COPS2: variants seen among roughly 807,000 people sequenced by gnomAD.
COPS2 encodes COP9 signalosome complex subunit 2.
COPS2 carries 10 observed loss-of-function variants against 66.1 expected under a neutral mutation model. That is an observed-to-expected ratio of 0.15 (90% CI 0.09 to 0.26). The LOEUF is 0.26. COPS2 is among the 10% of genes least tolerant of loss of function. COPS2 has a pLI of 1.00. For synonymous variants in COPS2, 179 were observed against 171.3 expected, an observed-to-expected ratio of 1.04 and a Z score of -0.35; for missense variants, 215 against 513.3, an observed-to-expected ratio of 0.42 and a Z score of 5.62.
At chr15:49,146,039 ATTTC>A (rs1339433147) in intron 1 of COPS2, among the ~76,000 whole-genome samples, 3 of 152,184 alleles carry the variant, frequency 2.0e-5, no homozygotes, top group East Asian at 1.9e-4. Flanking sequence ...CAGGTAACAA[ATTTC>A]TTTATGAGAT....
At chr15:49,136,844 C>T (rs1017726833) in intron 6 of COPS2, among the ~76,000 whole-genome samples, 4 of 152,064 alleles carry the variant, frequency 2.6e-5, no homozygotes, top group African/African-American at 7.2e-5. Context: ...AAAAAATTAG[C>T]TGGGCATGGT....
intron 3 of COPS2, among the ~76,000 whole-genome samples, chr15:49,140,952 T>G: frequency 6.7e-6 from 1 of 149,646 alleles, no homozygotes; most frequent in East Asian, 2.0e-4. Context: ...AACCAAGAAT[T>G]GAATTACAAT....
rs961384727 is a variant in COPS2, at chr15:49,127,185, A to G, written c.*765T>C. On this transcript the variant is annotated 3_prime_UTR_variant, in exon 13 of 13. Transcript: ENST00000388901. Reference sequence around the variant, plus strand: ...GTTAGAAAGTAGTTCTCCTTACTCTATCAATAAAGACTACTTTTAAAAACT... The same window carrying G: ...GTTAGAAAGTAGTTCTCCTTACTCTGTCAATAAAGACTACTTTTAAAAACT... The G allele has an allele frequency of 6.6e-6, 1 of 152,252 alleles. No individual in the cohort carries two copies. The highest frequency in any genetic ancestry group is 2.4e-5 in the African/African-American group (1 of 41,460). The allele number at this position is 152,252 out of a possible 1,614,324, so 9.4% of individuals were successfully genotyped here.
At chr15:49,144,004 A>C (rs2084305737) in intron 3 of COPS2, among the ~76,000 whole-genome samples, 1 of 152,120 alleles carries the variant, frequency 6.6e-6, no homozygotes, top group Non-Finnish European at 1.5e-5. Context: ...AATACTGTAA[A>C]TGCATCTAAA....
chr15:49,129,676 T>C, intron 10 of COPS2, 117 bp from the exon 11 acceptor site: 1 of 449,390 alleles, frequency 2.2e-6, no homozygotes, highest in Non-Finnish European at 3.9e-6. Flanking sequence ...GGCAATGATA[T>C]AAAGTGTTTA....
intron 1 of COPS2, among the ~76,000 whole-genome samples, chr15:49,153,939 TTAGA>T (rs1242313370): frequency 1.3e-5 from 2 of 152,048 alleles, no homozygotes; most frequent in African/African-American, 2.4e-5. Context: ...AAACCAACAG[TTAGA>T]TAGAAGGAGT....
At chr15:49,141,861 G>A (rs2084291760) in intron 3 of COPS2, among the ~76,000 whole-genome samples, 1 of 152,178 alleles carries the variant, frequency 6.6e-6, no homozygotes, top group African/African-American at 2.4e-5. Flanking sequence ...AAGGTAAAAT[G>A]GCAAAACCAA....
At chr15:49,150,551 T>G (rs1394885973) in intron 1 of COPS2, among the ~76,000 whole-genome samples, 1 of 152,042 alleles carries the variant, frequency 6.6e-6, no homozygotes, top group Non-Finnish European at 1.5e-5. Flanking sequence ...CACAAAAAAA[T>G]AGACAAATAA....
At chr15:49,138,223 C>T (rs1595822177) in intron 4 of COPS2, among the ~76,000 whole-genome samples, 1 of 152,132 alleles carries the variant, frequency 6.6e-6, no homozygotes, top group Non-Finnish European at 1.5e-5. Context: ...CCACCCTCTT[C>T]CCCCCGCTTC....
At position 49,126,089 on chromosome 15, in the gene COPS2, A is replaced by G. The variant is rs1486147425; in HGVS notation, c.*1861T>C. ...AACAAAGGGTCTCCAAATTATATTG[A>G]AAAATAAATCCTAATTAATATCACT... On this transcript the variant is annotated 3_prime_UTR_variant, in exon 13 of 13. Coordinates refer to ENST00000388901, the MANE Select transcript of COPS2 (RefSeq NM_004236.4). 1 of 152,558 alleles carries G rather than the reference A, an allele frequency of 6.6e-6. No individual in the cohort carries two copies. The highest frequency in any genetic ancestry group is 1.5e-5 in the Non-Finnish European group (1 of 67,958). The allele number at this position is 152,558 out of a possible 1,614,324, so 9.5% of individuals were successfully genotyped here. A position where few individuals can be genotyped will look rare whatever the true frequency, so the allele number is the denominator to read the frequency against.
In COPS2 at chr15:49,128,774, CTT is replaced by C; in HGVS notation, c.1129-16_1129-15del. On this transcript the variant is annotated splice_polypyrimidine_tract_variant and intron_variant, in intron 11 of 12. Transcript: ENST00000388901. ...TATGTTTAACTCCTAAGACAAAAGA[CTT>C]GTTATATACCAATTAACATTTTAAA... 6.4e-7 allele frequency: 1 copy of C among 1,565,998 alleles called. No individual in the cohort carries two copies. Among genetic ancestry groups the C allele is most frequent in the Admixed American group, 1.7e-5 (1 of 58,534 alleles).
chr15:49,137,731 A>G (rs750805769), intron 4 of COPS2: 16 of 249,832 alleles, frequency 6.4e-5, no homozygotes, highest in Non-Finnish European at 1.1e-4. Flanking sequence ...TCCCAATCTA[A>G]TAATACATTC....
At chr15:49,153,854 G>T (rs1034077591) in intron 1 of COPS2, among the ~76,000 whole-genome samples, 13 of 152,148 alleles carry the variant, frequency 8.5e-5, no homozygotes, top group African/African-American at 2.9e-4. Flanking sequence ...CGGTGGTAGA[G>T]AGTAGAATGA....
Position 49,137,593 on chromosome 15 carries a change from A to C in COPS2, c.373-156T>G, listed in dbSNP as rs2141127054. 18 of 573,880 alleles carry C rather than the reference A, an allele frequency of 3.1e-5. 1 individual carries two copies. The South Asian group carries it at 4.3e-4, about 14-fold the overall frequency. The allele number at this position is 573,880 out of a possible 1,614,324, so 35.5% of individuals were successfully genotyped here. A position where few individuals can be genotyped will look rare whatever the true frequency, so the allele number is the denominator to read the frequency against. ...GTCTTCTACAGTCCAAAAAATTAACAAACTGAAGCAAAATACAGACCAAAT... is the reference window on the plus strand; with the variant it reads ...GTCTTCTACAGTCCAAAAAATTAACCAACTGAAGCAAAATACAGACCAAAT... On this transcript the variant is annotated intron_variant, in intron 4 of 12. Transcript: ENST00000388901.
In COPS2 at chr15:49,152,180, A is replaced by AG. The variant is rs544719610; in HGVS notation, c.54+3344_54+3345insC. ...TTTTAAATACTAAGAAACATAAAAAAAAAAAAAGAAAATCCCAGACAAAAT... is the reference window on the plus strand; with the variant it reads ...TTTTAAATACTAAGAAACATAAAAAAGAAAAAAAGAAAATCCCAGACAAAAT... On this transcript the variant is annotated intron_variant, in intron 1 of 12. Transcript: ENST00000388901. Among the ~76,000 whole-genome samples the AG allele has an allele frequency of 2.4e-3, 370 of 151,914 alleles. 3 individuals carry two copies. Among genetic ancestry groups the AG allele is most frequent in the African/African-American group, 8.4e-3 (347 of 41,542 alleles).
intron 3 of COPS2, among the ~76,000 whole-genome samples, chr15:49,141,035 A>T (rs941375403): frequency 5.3e-5 from 8 of 152,188 alleles, no homozygotes; most frequent in African/African-American, 1.9e-4. Context: ...ACATATATAA[A>T]ACCACTTCTG....
chr15:49,145,266 AAGG>A (rs375966576), intron 1 of COPS2, among the ~76,000 whole-genome samples, 188 bp from the exon 2 acceptor site: 4 of 152,214 alleles, frequency 2.6e-5, no homozygotes, highest in Non-Finnish European at 4.4e-5. Flanking sequence ...AGAGAGGAGG[AAGG>A]AGGAGTCAAA....
At chr15:49,129,697 T>G in intron 10 of COPS2, 138 bp from the exon 11 acceptor site, 1 of 412,620 alleles carries the variant, frequency 2.4e-6, no homozygotes, top group Non-Finnish European at 4.4e-6. Context: ...GATTTTAAAA[T>G]ACCTGGGTCA....
intron 4 of COPS2, among the ~76,000 whole-genome samples, chr15:49,138,032 T>C (rs986969104): frequency 1.3e-5 from 2 of 152,224 alleles, no homozygotes; most frequent in Admixed American, 6.5e-5. Context: ...AAAATTCTTC[T>C]ATAAATATGA....
Sources: allele counts gnomAD v4.1 joint callset (sites outside exome capture counted in the v4.1 genomes callset), GRCh38; gene constraint gnomAD v4.1.1; transcripts MANE v1.5; gene names NCBI Gene and HGNC (gene_info 2026-07-23, HGNC 2026-07-21).